The following SDK2 variants were observed in gnomAD, a reference collection of about 807,000 sequenced individuals.
The protein encoded by SDK2 is sidekick cell adhesion molecule 2.
SDK2 carries 105 observed loss-of-function variants against 253.9 expected under a neutral mutation model. The ratio of observed to expected loss-of-function variants is 0.41; its 90% CI spans 0.35 to 0.49. The LOEUF (loss-of-function observed/expected upper bound fraction) is 0.49. Ranked by LOEUF, SDK2 falls within the 20% of genes least tolerant of loss-of-function variation. The pLI is 0.06. For synonymous variants in SDK2, 1,249 were observed against 1,234.9 expected (o/e 1.01, Z -0.24); for missense variants, 2,608 against 3,003.0 (o/e 0.87, Z 3.07).
intron 39 of SDK2, among the ~76,000 whole-genome samples, chr17:73,359,727 C>G (rs2062625325): frequency 6.6e-6 from 1 of 152,212 alleles, no homozygotes; most frequent in South Asian, 2.1e-4. Flanking sequence ...CTCACTGCAG[C>G]CTCCACCTCC....
In SDK2 at chr17:73,365,730, G is replaced by C. The variant is rs532342927; in HGVS notation, c.5168-335C>G. Among the ~76,000 whole-genome samples, 3 of 152,262 alleles carry C rather than the reference G, an allele frequency of 2.0e-5. No homozygotes were observed. The East Asian group carries it at 5.8e-4, about 30-fold the overall frequency. On this transcript the variant is annotated intron_variant, in intron 37 of 44. Transcript: ENST00000392650. Reference sequence around the variant, plus strand: ...GCTGTCACACCCCCGGGGTCATCGTGGGGCAAGGCCATTTCCTGGCTTTGC... The same window carrying C: ...GCTGTCACACCCCCGGGGTCATCGTCGGGCAAGGCCATTTCCTGGCTTTGC...
intron 24 of SDK2, among the ~76,000 whole-genome samples, chr17:73,396,690 C>T (rs1434880288): frequency 6.6e-6 from 1 of 152,242 alleles, no homozygotes; most frequent in Non-Finnish European, 1.5e-5. Flanking sequence ...GGCCCTGTGC[C>T]ACATGGCAGC....
chr17:73,501,198 T>C (rs923270970), intron 2 of SDK2, among the ~76,000 whole-genome samples: 1 of 151,368 alleles, frequency 6.6e-6, no homozygotes, highest in African/African-American at 2.4e-5. Context: ...CACACAAGGC[T>C]GTGTGGGAAT....
rs201162126 is a variant in SDK2, at chr17:73,348,739, G to A, written c.6039-14C>T. ...CTGGGGGGAGACCTGGAGAGAGCGGGGGAGTGGGGCCGAGAGGTGCACTCA... is the reference window on the plus strand; with the variant it reads ...CTGGGGGGAGACCTGGAGAGAGCGGAGGAGTGGGGCCGAGAGGTGCACTCA... On this transcript the variant is annotated splice_polypyrimidine_tract_variant and intron_variant, in intron 43 of 44. Coordinates refer to ENST00000392650, the MANE Select transcript of SDK2 (RefSeq NM_001144952.2). The A allele has an allele frequency of 2.9e-5, 46 of 1,601,086 alleles. No homozygotes were observed. The highest frequency in any genetic ancestry group is 3.8e-5 in the Non-Finnish European group (45 of 1,177,886).
intron 1 of SDK2, among the ~76,000 whole-genome samples, chr17:73,542,603 G>A (rs1417211357): frequency 3.9e-5 from 6 of 152,168 alleles, no homozygotes; most frequent in Non-Finnish European, 8.8e-5. Flanking sequence ...CCTCAACGAG[G>A]AGGGGTGGAG....
At chr17:73,624,817 G>A (rs1350312004) in intron 1 of SDK2, among the ~76,000 whole-genome samples, 3 of 152,102 alleles carry the variant, frequency 2.0e-5, no homozygotes, top group Non-Finnish European at 4.4e-5. Context: ...GGGTGGCCGT[G>A]GTGATGTTGT....
At chr17:73,622,272 G>C (rs560601421) in intron 1 of SDK2, among the ~76,000 whole-genome samples, 6 of 152,322 alleles carry the variant, frequency 3.9e-5, no homozygotes, top group African/African-American at 1.4e-4. Context: ...TCTCTGGGTT[G>C]CCAGAAAGTC....
chr17:73,583,587 C>T (rs2045564811), intron 1 of SDK2, among the ~76,000 whole-genome samples: 1 of 152,250 alleles, frequency 6.6e-6, no homozygotes, highest in Non-Finnish European at 1.5e-5. Context: ...AGAAGGGCCA[C>T]CCTGTGCGGT....
chr17:73,414,486 C>A (rs1315509590), intron 18 of SDK2, among the ~76,000 whole-genome samples, 158 bp downstream of exon 18: 3 of 152,118 alleles, frequency 2.0e-5, no homozygotes, highest in Non-Finnish European at 4.4e-5. Context: ...TTGGGGAAGG[C>A]CTGGAACTCT....
intron 1 of SDK2, among the ~76,000 whole-genome samples, chr17:73,565,783 G>T (rs917286170): frequency 3.3e-5 from 5 of 152,188 alleles, no homozygotes; most frequent in Non-Finnish European, 7.3e-5. Context: ...GTGAGCTCTC[G>T]TTCTGTTAGA....
chr17:73,414,675 TG>T lies in SDK2; in HGVS notation c.2452del (p.Gln818SerfsTer12). The part of the protein sequence containing the change: ...IRFTWNAPSP[Q>X]FINGINQGYK... ...GCCCTGGTTGATGCCGTTGATGAAC[TG>T]GGGGCTGGGGGCGTTCCAGGTGAAG... is the stretch of plus-strand genomic sequence containing the variant. On this transcript the variant is annotated frameshift_variant, in exon 18 of 45. Coordinates refer to ENST00000392650, the MANE Select transcript of SDK2 (RefSeq NM_001144952.2). LOFTEE classifies it high-confidence loss of function. 1 of 1,613,756 alleles carries T rather than the reference TG, an allele frequency of 6.2e-7. No homozygotes were observed. The highest frequency in any genetic ancestry group is 8.5e-7 in the Non-Finnish European group (1 of 1,179,746).
intron 4 of SDK2, among the ~76,000 whole-genome samples, chr17:73,454,473 CG>C (rs1167516167): frequency 1.3e-5 from 2 of 152,272 alleles, no homozygotes; most frequent in African/African-American, 4.8e-5. Context: ...GCCTGTAAAA[CG>C]GGGAGAAACC....
At chr17:73,397,416 G>A (rs554743799) in intron 24 of SDK2, among the ~76,000 whole-genome samples, 2 of 152,354 alleles carry the variant, frequency 1.3e-5, no homozygotes, top group East Asian at 3.9e-4. Flanking sequence ...GTTCATGAAA[G>A]CACGTGGGAG....
intron 1 of SDK2, among the ~76,000 whole-genome samples, chr17:73,607,851 T>G (rs1474246046): frequency 6.6e-6 from 1 of 152,084 alleles, no homozygotes. Flanking sequence ...TGTGTGCTTT[T>G]TTTTTTTTTG....
intron 44 of SDK2, among the ~76,000 whole-genome samples, chr17:73,344,274 A>T (rs1247241915): frequency 6.6e-6 from 1 of 152,168 alleles, no homozygotes; most frequent in Non-Finnish European, 1.5e-5. Flanking sequence ...CTTATAGGTA[A>T]AGTGACAGCC....
rs1568361044 is a variant in SDK2 at position 73,350,300 on chromosome 17, T to C, written c.5975A>G (p.Glu1992Gly). The change falls in exon 43 of 45, where the codon GAA (glutamate) becomes GGA (glycine). Residue 1992 changes from glutamate (E) to glycine (G), a missense_variant. Physicochemically the swap from Glu to Gly is moderately conservative, Grantham distance 98. Around this residue, in one of 2 missense-constraint regions of SDK2, gnomAD observed 1,103 missense variants for 1,143.9 expected, o/e 0.96. Transcript: ENST00000392650. The stretch of plus-strand genomic sequence containing the variant: ...GACGGAGAGCCGCCTGTTGTTGAGT[T>C]CCAGGGCAGGGAAGCTGCTTTCATC... ...SLDESSFPAL[E>G]LNNRRLSVKN... The C allele has an allele frequency of 6.2e-7, 1 of 1,600,512 alleles. No individual in the cohort carries two copies. Among genetic ancestry groups the C allele is most frequent in the Non-Finnish European group, 8.5e-7 (1 of 1,174,314 alleles).
At chr17:73,394,698 G>C (rs528350411) in intron 25 of SDK2, among the ~76,000 whole-genome samples, 1 of 152,300 alleles carries the variant, frequency 6.6e-6, no homozygotes, top group Admixed American at 6.5e-5. Context: ...AACCATGTGT[G>C]GATGGATGAG....
intron 1 of SDK2, among the ~76,000 whole-genome samples, chr17:73,524,220 C>T (rs1340745484): frequency 6.6e-6 from 1 of 152,172 alleles, no homozygotes; most frequent in African/African-American, 2.4e-5. Flanking sequence ...GTAGCAGGGA[C>T]CCTCGGGCAG....
At chr17:73,564,473 C>T (rs1457458183) in intron 1 of SDK2, among the ~76,000 whole-genome samples, 2 of 152,164 alleles carry the variant, frequency 1.3e-5, no homozygotes, top group African/African-American at 4.8e-5. Flanking sequence ...ACTGGATGTA[C>T]GTGTGACCCA....
Sources: allele counts gnomAD v4.1 joint callset (sites outside exome capture counted in the v4.1 genomes callset), GRCh38; gene constraint gnomAD v4.1.1; regional missense constraint gnomAD v4.1.1; transcripts MANE v1.5; gene names NCBI Gene and HGNC (gene_info 2026-07-23, HGNC 2026-07-21).